UTP4: variants seen among roughly 807,000 people sequenced by gnomAD.
UTP4 encodes the protein UTP4 small subunit processome component, also known as U3 small nucleolar RNA-associated protein 4 homolog.
UTP4 carries 45 observed loss-of-function variants against 82.4 expected under a neutral mutation model. That is an observed-to-expected ratio of 0.55 (90% CI 0.43 to 0.70). The LOEUF is 0.70. Ranked by LOEUF, UTP4 falls within the 30% of genes least tolerant of loss-of-function variation. The pLI, the probability that UTP4 is intolerant of heterozygous loss-of-function variation, is 0.00. For missense variants in UTP4, 819 were observed against 858.3 expected (o/e 0.95, Z 0.57); for synonymous variants, 348 against 300.3 (o/e 1.16, Z -1.64).
At chr16:69,163,978 C>T (rs1414717427) in intron 14 of UTP4, among the ~76,000 whole-genome samples, 11 of 150,934 alleles carry the variant, frequency 7.3e-5, no homozygotes, top group Admixed American at 7.3e-4. Context: ...CTCCGCCTTC[C>T]GGGTTCATGT....
At chr16:69,151,253 C>T (rs1312789806) in intron 8 of UTP4, among the ~76,000 whole-genome samples, 2 of 151,964 alleles carry the variant, frequency 1.3e-5, no homozygotes, top group Non-Finnish European at 1.5e-5. Context: ...GTGATCTGCC[C>T]GCCTCAGCCT....
chr16:69,132,738 C>G (rs1347132545), intron 1 of UTP4, 49 bp downstream of exon 1: 1 of 247,206 alleles, frequency 4.0e-6, no homozygotes. Flanking sequence ...CTGGGGGGGT[C>G]TTACAAGGTG....
In UTP4 at chr16:69,136,707, T is replaced by C; in HGVS notation, c.171T>C (p.Gly57=). ...TGGTGTTTCTGCAGTTTTTCCCAGGTCATGAGTCTCGGGCTACAGAAGCTT... is the reference window on the plus strand; with the variant it reads ...TGGTGTTTCTGCAGTTTTTCCCAGGCCATGAGTCTCGGGCTACAGAAGCTT... ...ANYFQEKFFP[G]HESRATEALC... The change falls in exon 3 of 17, where the codon GGT becomes GGC. Residue 57 remains glycine (G), a synonymous_variant. Transcript: ENST00000314423. 1.2e-6 allele frequency: 2 copies of C among 1,613,990 alleles called. No individual in the cohort carries two copies. The highest frequency in any genetic ancestry group is 1.7e-6 in the Non-Finnish European group (2 of 1,179,876).
chr16:69,133,716 T>A, intron 2 of UTP4, 98 bp downstream of exon 2: 1 of 1,274,946 alleles, frequency 7.8e-7, no homozygotes, highest in Non-Finnish European at 1.1e-6. Flanking sequence ...ATTGAGTGAC[T>A]TCCTAGCCCC....
chr16:69,150,815 A>C lies in UTP4; in HGVS notation c.913A>C (p.Thr305Pro). The change falls in exon 8 of 17, where the codon ACT becomes CCT. Residue 305 changes from threonine to proline, a missense_variant and splice_region_variant. Coordinates refer to ENST00000314423, the MANE Select transcript of UTP4 (RefSeq NM_032830.3). ...CACCTTCTCCCCTGCTTTCCCAGGC[A>C]CTGACACCCACTTAGTCTTTCGTCC... ...HSPTALISGG[T>P]DTHLVFRPLM... 1 of 1,614,008 alleles carries C rather than the reference A, an allele frequency of 6.2e-7. No homozygotes were observed. The highest frequency in any genetic ancestry group is 1.1e-5 in the South Asian group (1 of 91,078).
chr16:69,164,180 G>A (rs1352800208), intron 14 of UTP4, among the ~76,000 whole-genome samples: 12 of 151,924 alleles, frequency 7.9e-5, no homozygotes, highest in East Asian at 1.9e-4. Context: ...CACCGCGCCC[G>A]GCTGATGGTC....
chr16:69,133,427 T>C, intron 1 of UTP4, 31 bp from the exon 2 acceptor site: 2 of 1,609,724 alleles, frequency 1.2e-6, no homozygotes, highest in Non-Finnish European at 1.7e-6. Flanking sequence ...AGTTAACATA[T>C]AGCAATAATG....
chr16:69,163,691 A>AC (rs146222015), intron 14 of UTP4, among the ~76,000 whole-genome samples: 11,671 of 151,888 alleles, frequency 0.077, 518 homozygotes, highest in Non-Finnish European at 0.095. Context: ...CTTTAAAAAA[A>AC]AAAAAACCTG....
At chr16:69,148,295 T>C (rs1963173773) in intron 6 of UTP4, among the ~76,000 whole-genome samples, 1 of 150,644 alleles carries the variant, frequency 6.6e-6, no homozygotes, top group Non-Finnish European at 1.5e-5. Flanking sequence ...CGGGGTTTCA[T>C]TATGTTGGCC....
At chr16:69,150,449 A>C (rs1963230582) in intron 6 of UTP4, 88 bp from the exon 7 acceptor site, 1 of 1,431,072 alleles carries the variant, frequency 7.0e-7, no homozygotes, top group African/African-American at 1.4e-5. Context: ...GTTTACCCCT[A>C]AGCTGCTGAG....
At chr16:69,148,298 T>G (rs1214008078) in intron 6 of UTP4, among the ~76,000 whole-genome samples, 3 of 151,594 alleles carry the variant, frequency 2.0e-5, no homozygotes, top group African/African-American at 7.3e-5. Flanking sequence ...GGTTTCATTA[T>G]GTTGGCCAGG....
In UTP4 at chr16:69,133,551, T is replaced by G; in HGVS notation, c.92T>G (p.Leu31Trp). 1 of 1,614,052 alleles carries G rather than the reference T, an allele frequency of 6.2e-7. No homozygotes were observed. The highest frequency in any genetic ancestry group is 8.5e-7 in the Non-Finnish European group (1 of 1,179,900). Reference protein sequence around the residue: ...CVAYNNQSNRLAVSRTDGTVE... With the variant: ...CVAYNNQSNRWAVSRTDGTVE... ...GCTTACAATAACCAGTCAAACAGAT[T>G]GGCTGTTTCACGAACAGATGGCACT... The change falls in exon 2 of 17, where the codon TTG becomes TGG. Residue 31 changes from leucine (L) to tryptophan (W), a missense_variant. Leu to Trp is a moderately conservative substitution (Grantham distance 61). Transcript: ENST00000314423.
chr16:69,165,146 G>A (rs1963670398), intron 14 of UTP4, among the ~76,000 whole-genome samples, 195 bp from the exon 15 acceptor site: 1 of 150,984 alleles, frequency 6.6e-6, no homozygotes, highest in African/African-American at 2.4e-5. Context: ...AGTGAGCGGA[G>A]ATCACGCCAC....
chr16:69,156,869 G>A (rs576802999), intron 11 of UTP4, among the ~76,000 whole-genome samples: 59 of 152,336 alleles, frequency 3.9e-4, no homozygotes, highest in African/African-American at 1.3e-3. Context: ...TTTCACGTGC[G>A]ACTTAGTTAT....
chr16:69,154,082 T>C (rs1338086581), intron 9 of UTP4, among the ~76,000 whole-genome samples: 1 of 152,168 alleles, frequency 6.6e-6, no homozygotes, highest in Non-Finnish European at 1.5e-5. Context: ...TTTTGACTTA[T>C]TAAGGAAATG....
In UTP4 at chr16:69,154,431, G is replaced by T; in HGVS notation, c.1138G>T (p.Asp380Tyr). ...TACTCTTCCACTCTCTAAAAATGCA[G>T]ATCATTTACTGCACCTAAAGACAAA... is the stretch of plus-strand genomic sequence containing the variant. Reference protein sequence around the residue: ...GDTLPLSKNADHLLHLKTKGP... With the variant: ...GDTLPLSKNAYHLLHLKTKGP... Residue 380 changes from aspartate to tyrosine, a missense_variant, in exon 10 of 17, where the codon GAT becomes TAT. Asp to Tyr is a radical substitution (Grantham distance 160). Transcript: ENST00000314423. The T allele has an allele frequency of 6.2e-7, 1 of 1,613,202 alleles. No homozygotes were observed. The highest frequency in any genetic ancestry group is 1.3e-5 in the African/African-American group (1 of 75,028).
intron 2 of UTP4, among the ~76,000 whole-genome samples, chr16:69,135,953 C>T (rs552583335): frequency 1.3e-5 from 2 of 152,246 alleles, no homozygotes; most frequent in African/African-American, 2.4e-5. Flanking sequence ...CGCTTGAACC[C>T]GGGAGTCGGA....
At chr16:69,166,995 C>T in intron 15 of UTP4, 80 bp from the exon 16 acceptor site, 1 of 940,272 alleles carries the variant, frequency 1.1e-6, no homozygotes, top group Non-Finnish European at 1.8e-6. Flanking sequence ...TGATGTTGGG[C>T]TCAAAATGCA....
At chr16:69,147,001 CAAAAAAAA>C (rs71148965) in intron 6 of UTP4, among the ~76,000 whole-genome samples, 6 of 85,788 alleles carry the variant, frequency 7.0e-5, no homozygotes, top group Non-Finnish European at 4.6e-5. Flanking sequence ...GACTCTGCCT[CAAAAAAAA>C]AAAAAAAAAA....
Sources: allele counts gnomAD v4.1 joint callset (sites outside exome capture counted in the v4.1 genomes callset), GRCh38; gene constraint gnomAD v4.1.1; transcripts MANE v1.5; gene names NCBI Gene and HGNC (gene_info 2026-07-23, HGNC 2026-07-21).